CHRD: variants seen among roughly 807,000 people sequenced by gnomAD.
CHRD encodes chordin.
In CHRD, 69 loss-of-function variants were observed where a neutral mutation model predicts 113.7. The observed-to-expected ratio is 0.61, with a 90% CI of 0.50 to 0.74. The LOEUF (loss-of-function observed/expected upper bound fraction) is 0.74, where lower values mean the gene tolerates loss of function less well. CHRD is among the 30% of genes least tolerant of loss of function. The pLI, the probability that CHRD is intolerant of heterozygous loss-of-function variation, is 0.00. For missense variants in CHRD, 1,194 were observed against 1,295.8 expected (o/e 0.92, Z 1.21); for synonymous variants, 561 against 540.8 (o/e 1.04, Z -0.52).
Position 184,387,470 on chromosome 3 carries a change from C to G in CHRD, c.2444C>G (p.Thr815Ser). 1 of 1,607,152 alleles carries G rather than the reference C, an allele frequency of 6.2e-7. No homozygotes were observed. Among genetic ancestry groups the G allele is most frequent in the Non-Finnish European group, 8.5e-7 (1 of 1,177,030 alleles). ...GGCTTAATTAAGTGTGCTGTCTGCACCTGCAAGGTATGGCCACCCAATCTT... is the reference window on the plus strand; with the variant it reads ...GGCTTAATTAAGTGTGCTGTCTGCAGCTGCAAGGTATGGCCACCCAATCTT... Residue 815 changes from threonine to serine, a missense_variant, in exon 19 of 23, where the codon ACC (threonine) becomes AGC (serine). Coordinates refer to ENST00000204604, the Ensembl canonical transcript of CHRD. The surrounding 1 kb of genome is among the most constrained non-coding windows in gnomAD (Gnocchi z 6.1).
chr3:184,386,521 C>T (rs541637464), exon 16 of CHRD: 40 of 1,537,140 alleles, frequency 2.6e-5, no homozygotes, highest in East Asian at 7.2e-5. Flanking sequence ...GTGAGGTTGG[C>T]GGACTGCGCC....
Position 184,380,649 on chromosome 3 carries a change from G to A in CHRD, c.149-43G>A, listed in dbSNP as rs761145242. ...CGGGCAGCCCCCGGGGCGGCACACGGCGCGAGCTGGGCAGCGGCCTCCAGC... is the reference window on the plus strand; with the variant it reads ...CGGGCAGCCCCCGGGGCGGCACACGACGCGAGCTGGGCAGCGGCCTCCAGC... On this transcript the variant is annotated intron_variant, in intron 1 of 22. Transcript: ENST00000204604. The surrounding 1 kb of genome is among the most constrained non-coding windows in gnomAD (Gnocchi z 6.3). 5.4e-6 allele frequency: 8 copies of A among 1,473,676 alleles called. No individual in the cohort carries two copies. In the East Asian group the frequency reaches 1.1e-4, roughly 21 times the overall value. The allele number at this position is 1,473,676 out of a possible 1,614,324, so 91.3% of individuals were successfully genotyped here. A position where few individuals can be genotyped will look rare whatever the true frequency, so the allele number is the denominator to read the frequency against.
intron 12 of CHRD, 89 bp downstream of exon 12, chr3:184,383,731 C>G (rs2108648739): frequency 7.7e-7 from 1 of 1,303,996 alleles, no homozygotes; most frequent in Middle Eastern, 2.3e-4. Context: ...TCATTATCAT[C>G]CACTCACTCA....
In CHRD at chr3:184,388,877, CTCTG is replaced by C. The variant is rs1298945843; in HGVS notation, c.2710-12_2710-9del. 2 of 1,611,104 alleles carry C rather than the reference CTCTG, an allele frequency of 1.2e-6. No individual in the cohort carries two copies. Among genetic ancestry groups the C allele is most frequent in the Admixed American group, 3.3e-5 (2 of 60,020 alleles). On this transcript the variant is annotated splice_polypyrimidine_tract_variant and intron_variant, in intron 21 of 22. Coordinates refer to ENST00000204604, the Ensembl canonical transcript of CHRD. The surrounding 1 kb of genome is among the most constrained non-coding windows in gnomAD (Gnocchi z 6.1). ...GCCTCTGGGGGACACTCAGTGTCTG[CTCTG>C]TCTTGTACCAGGCAGGGGTGCCTCA... is the stretch of plus-strand genomic sequence containing the variant.
At chr3:184,386,249 C>T in intron 15 of CHRD, 90 bp downstream of exon 15, 3 of 1,420,690 alleles carry the variant, frequency 2.1e-6, no homozygotes, top group Non-Finnish European at 2.9e-6. Context: ...CTTGCTGTCT[C>T]TGAGTCCTGG....
chr3:184,380,399 C>A lies in CHRD; in HGVS notation c.81C>A (p.Ala27=). The change falls in exon 1 of 23, where the codon GCC becomes GCA. Residue 27 remains alanine, a synonymous_variant. Coordinates refer to ENST00000204604, the Ensembl canonical transcript of CHRD. This position sits in a 1 kb window ranked among gnomAD's most constrained non-coding sequence, Gnocchi z 6.3. Reference sequence around the variant, plus strand: ...TCGGCTCCCGGCCGGCCCGCGGCGCCGGCCCAGAGCCCCCCGTGCTGCCCA... The same window carrying A: ...TCGGCTCCCGGCCGGCCCGCGGCGCAGGCCCAGAGCCCCCCGTGCTGCCCA... The A allele has an allele frequency of 7.5e-7, 1 of 1,340,296 alleles. No homozygotes were observed. The allele number at this position is 1,340,296 out of a possible 1,614,324, so 83.0% of individuals were successfully genotyped here.
rs1422769875 is a variant in CHRD at position 184,388,364 on chromosome 3, C to T, written c.2555-223C>T. Among the ~76,000 whole-genome samples the T allele has an allele frequency of 1.3e-5, 2 of 150,538 alleles. No individual in the cohort carries two copies. The highest frequency in any genetic ancestry group is 4.9e-5 in the African/African-American group (2 of 40,642). ...CCATGCATCCATCCATCCCTCCATC[C>T]ATCCACCCATCCACCCATTGATGCA... On this transcript the variant is annotated intron_variant, in intron 20 of 22. Coordinates refer to ENST00000204604, the Ensembl canonical transcript of CHRD. This position sits in a 1 kb window ranked among gnomAD's most constrained non-coding sequence, Gnocchi z 6.1.
rs543440460 is a variant in CHRD at position 184,388,308 on chromosome 3, C to T, written c.2554+275C>T. Among the ~76,000 whole-genome samples the T allele has an allele frequency of 6.6e-6, 1 of 151,880 alleles. No homozygotes were observed. The highest frequency in any genetic ancestry group is 2.4e-5 in the African/African-American group (1 of 41,372). On this transcript the variant is annotated intron_variant, in intron 20 of 22. Transcript: ENST00000204604. The surrounding 1 kb of genome is among the most constrained non-coding windows in gnomAD (Gnocchi z 6.1). Reference sequence around the variant, plus strand: ...CCGTCCATTCATCTATCTATCCACCCATACAACCATCCACCCATTGATGCA... The same window carrying T: ...CCGTCCATTCATCTATCTATCCACCTATACAACCATCCACCCATTGATGCA...
intron 16 of CHRD, 44 bp from the exon 17 acceptor site, chr3:184,386,801 A>T (rs1380755523): frequency 1.9e-6 from 3 of 1,613,818 alleles, no homozygotes; most frequent in Non-Finnish European, 2.5e-6. Flanking sequence ...ATCTGGAGCA[A>T]GGGGCCTGGA....
rs775327336 is a variant in CHRD at position 184,383,388 on chromosome 3, G to A, written c.1290G>A (p.Thr430=). 1.9e-5 allele frequency: 30 copies of A among 1,614,018 alleles called. 1 individual carries two copies. In the East Asian group the frequency reaches 3.1e-4, roughly 17 times the overall value. The stretch of plus-strand genomic sequence containing the variant: ...GTGCTGCCGGCTCAGCCAGCCTCAC[G>A]CTGCTAGGAAATGGCTCCCTGATCT... The change falls in exon 11 of 23, where the codon ACG becomes ACA. Residue 430 remains threonine (T), a synonymous_variant. Transcript: ENST00000204604.
chr3:184,386,760 G>T lies in CHRD; in HGVS notation c.2196+5G>T. 1 of 1,613,300 alleles carries T rather than the reference G, an allele frequency of 6.2e-7. No homozygotes were observed. Among genetic ancestry groups the T allele is most frequent in the Non-Finnish European group, 8.5e-7 (1 of 1,179,844 alleles). ...TGCTCACTCTGCACCTGCCAGGTAG[G>T]AGGTCCTGGAAGGGCACACTGGGTC... On this transcript the variant is annotated splice_donor_5th_base_variant and intron_variant, in intron 16 of 22. Coordinates refer to ENST00000204604, the Ensembl canonical transcript of CHRD.
chr3:184,387,226 T>A lies in CHRD; in HGVS notation c.2347+119T>A, dbSNP rs1716472017. The A allele has an allele frequency of 2.3e-6, 3 of 1,277,980 alleles. No individual in the cohort carries two copies. The highest frequency in any genetic ancestry group is 2.5e-5 in the South Asian group (2 of 79,842). 79.2% of individuals were successfully genotyped at this position (1,277,980 alleles called of 1,614,324 possible). ...TGGCCTGAGGGGCACAGATTCCAAG[T>A]GATGCCTGACAGGACTCATTAGTGT... is the stretch of plus-strand genomic sequence containing the variant. On this transcript the variant is annotated intron_variant, in intron 18 of 22. Coordinates refer to ENST00000204604, the Ensembl canonical transcript of CHRD. This position sits in a 1 kb window ranked among gnomAD's most constrained non-coding sequence, Gnocchi z 6.1.
Position 184,388,179 on chromosome 3 carries a change from GA to G in CHRD, c.2554+149del, listed in dbSNP as rs778820523. 8.6e-5 allele frequency: 61 copies of G among 712,896 alleles called. No homozygotes were observed. Among genetic ancestry groups the G allele is most frequent in the Non-Finnish European group, 1.2e-4 (49 of 412,972 alleles). The allele number at this position is 712,896 out of a possible 1,614,324, so 44.2% of individuals were successfully genotyped here. A position where few individuals can be genotyped will look rare whatever the true frequency, so the allele number is the denominator to read the frequency against. ...TGGAGCCAGGACTCTAAATGCAGTG[GA>G]AAGAATGTGATATACTAGTGGGGTA... On this transcript the variant is annotated intron_variant, in intron 20 of 22. Coordinates refer to ENST00000204604, the Ensembl canonical transcript of CHRD. This position sits in a 1 kb window ranked among gnomAD's most constrained non-coding sequence, Gnocchi z 6.1.
chr3:184,382,671 A>C (rs1715637550), exon 8 of CHRD: 1 of 1,613,680 alleles, frequency 6.2e-7, no homozygotes, highest in African/African-American at 1.3e-5. Context: ...AAGGCCCCCC[A>C]CAGCAGGGCG....
chr3:184,384,964 G>C lies in CHRD; in HGVS notation c.1598-54G>C. On this transcript the variant is annotated intron_variant, in intron 13 of 22. Coordinates refer to ENST00000204604, the Ensembl canonical transcript of CHRD. This position sits in a 1 kb window ranked among gnomAD's most constrained non-coding sequence, Gnocchi z 4.4. ...GGGGAGCTGGGAATGCTGGGTTTGAGGGCTTGCCCTAGGCCACCTTCTCAC... is the reference window on the plus strand; with the variant it reads ...GGGGAGCTGGGAATGCTGGGTTTGACGGCTTGCCCTAGGCCACCTTCTCAC... The C allele has an allele frequency of 6.4e-7, 1 of 1,563,810 alleles. No individual in the cohort carries two copies. The highest frequency in any genetic ancestry group is 8.8e-7 in the Non-Finnish European group (1 of 1,139,330).
At chr3:184,382,758 G>A in exon 8 of CHRD, 2 of 1,614,006 alleles carry the variant, frequency 1.2e-6, no homozygotes, top group Non-Finnish European at 1.7e-6. Context: ...GAGGGCTGCT[G>A]GAACCCAGGA....
exon 7 of CHRD, chr3:184,382,412 G>C: frequency 1.2e-6 from 2 of 1,614,096 alleles, no homozygotes; most frequent in Non-Finnish European, 1.7e-6. Context: ...GGCGGGCAGT[G>C]CCTCGGTTGT....
chr3:184,386,623 A>G, exon 16 of CHRD: 2 of 1,608,258 alleles, frequency 1.2e-6, no homozygotes, highest in Non-Finnish European at 1.7e-6. Flanking sequence ...TCCCGGCCCT[A>G]GCGCCCGCCA....
rs1390241746 is a variant in CHRD at position 184,386,548 on chromosome 3, C to CGAGGGGGTGCG, written c.1991_2001dup (p.Ala668ArgfsTer25). 6.5e-7 allele frequency: 1 copy of CGAGGGGGTGCG among 1,539,108 alleles called. No homozygotes were observed. ...GACTGCGCCTGGAGGCGGCCGGGGC[C>CGAGGGGGTGCG]GAGGGGGTGCGGGCGCTGGGGGCTC... On this transcript the variant is annotated frameshift_variant, in exon 16 of 23. Coordinates refer to ENST00000204604, the Ensembl canonical transcript of CHRD. LOFTEE classifies it high-confidence loss of function.
Sources: gnomAD v4.1 joint callset for allele counts (sites outside exome capture counted in the v4.1 genomes callset) on GRCh38, gnomAD v4.1.1 for gene constraint, Gnocchi (gnomAD v3.1) non-coding constraint, MANE v1.5 for transcripts, NCBI Gene and HGNC (gene_info 2026-07-23, HGNC 2026-07-21) for gene names.